The following THOC2 variants were observed in gnomAD, a reference collection of about 807,000 sequenced individuals.
THOC2 encodes the protein THO complex 2.
THOC2 carries 10 observed loss-of-function variants against 128.4 expected under a neutral mutation model. The ratio of observed to expected loss-of-function variants is 0.08; its 90% CI spans 0.05 to 0.13. THOC2 has a LOEUF of 0.13. THOC2 is among the 10% of genes least tolerant of loss of function. The pLI, the probability that THOC2 is intolerant of heterozygous loss-of-function variation, is 1.00. For missense variants in THOC2, 535 were observed against 1,155.7 expected, an observed-to-expected ratio of 0.46 and a Z score of 7.79; for synonymous variants, 393 against 396.9, an observed-to-expected ratio of 0.99 and a Z score of 0.12.
At position 123,695,985 on chromosome X, in the gene THOC2, T is replaced by C. The variant is rs191501438; in HGVS notation, c.601+36A>G. 2.1e-3 allele frequency: 2,010 copies of C among 940,575 alleles called. 37 individuals carry two copies. The Admixed American group carries it at 0.046, about 21-fold the overall frequency. 77.5% of individuals were successfully genotyped at this position (940,575 alleles called of 1,213,427 possible). ...CTCCAATAGCTAAAATAACTTGTTA[T>C]CTTAACAACACATACTATACAGATA... On this transcript the variant is annotated intron_variant, in intron 7 of 38. Coordinates refer to ENST00000245838, the MANE Select transcript of THOC2 (RefSeq NM_001081550.2).
intron 38 of THOC2, chrX:123,603,368 A>G: frequency 3.4e-6 from 1 of 292,728 alleles, no homozygotes; most frequent in South Asian, 8.3e-5. Context: ...ACACACAAAG[A>G]CGGCCTATCT....
At chrX:123,680,490 T>C (rs888620830) in intron 8 of THOC2, among the ~76,000 whole-genome samples, 1 of 109,913 alleles carries the variant, frequency 9.1e-6, no homozygotes, top group Non-Finnish European at 1.9e-5. Context: ...CCGGCATGGA[T>C]CCTCCGTATG....
chrX:123,611,077 A>G (rs764131020), intron 37 of THOC2, 114 bp from the exon 38 acceptor site: 137 of 649,028 alleles, frequency 2.1e-4, no homozygotes, highest in Non-Finnish European at 3.1e-4. Flanking sequence ...CCAGCCTGGT[A>G]GCCTCAAACT....
chrX:123,732,908 T>TG (rs781744812), intron 1 of THOC2, 44 bp downstream of exon 1: 1 of 1,173,825 alleles, frequency 8.5e-7, no homozygotes, highest in East Asian at 3.0e-5. Context: ...GCTGACGCCC[T>TG]GGCCCGGCCC....
At chrX:123,700,291 A>G (rs970065612) in intron 4 of THOC2, among the ~76,000 whole-genome samples, 1 of 108,862 alleles carries the variant, frequency 9.2e-6, no homozygotes, top group African/African-American at 3.3e-5. Flanking sequence ...ACCTGAGGTT[A>G]GGAGTTTGAG....
rs754728040 is a variant in THOC2 at position 123,672,861 on chromosome X, C to G, written c.769-1100G>C. On this transcript the variant is annotated intron_variant, in intron 8 of 38. Coordinates refer to ENST00000245838, the MANE Select transcript of THOC2 (RefSeq NM_001081550.2). Reference sequence around the variant, plus strand: ...GCAAACAGTAACAATACACTATGTTCTTTTTATAGTCAATACTGAAAATGA... The same window carrying G: ...GCAAACAGTAACAATACACTATGTTGTTTTTATAGTCAATACTGAAAATGA... Among the ~76,000 whole-genome samples the G allele has an allele frequency of 3.6e-5, 4 of 112,537 alleles. No homozygotes were observed. The South Asian group carries it at 1.5e-3, about 41-fold the overall frequency.
rs2047322961 is a variant in THOC2 at position 123,627,903 on chromosome X, G to A, written c.2547C>T (p.Tyr849=). ...GSKQQHKVHK[Y]ITSCEMVMAP... Reference sequence around the variant, plus strand: ...CCATCACCATCTCACATGATGTAATGTACTTATGAACTTTATGTTGCTGTT... The same window carrying A: ...CCATCACCATCTCACATGATGTAATATACTTATGAACTTTATGTTGCTGTT... The change falls in exon 23 of 39, where the codon TAC becomes TAT. Residue 849 remains tyrosine, a synonymous_variant. Coordinates refer to ENST00000245838, the MANE Select transcript of THOC2 (RefSeq NM_001081550.2). The A allele has an allele frequency of 8.3e-7, 1 of 1,207,544 alleles. No individual in the cohort carries two copies. The highest frequency in any genetic ancestry group is 2.2e-5 in the Admixed American group (1 of 45,745).
intron 12 of THOC2, among the ~76,000 whole-genome samples, chrX:123,664,831 G>A (rs1007779220): frequency 9.9e-5 from 11 of 111,150 alleles, no homozygotes; most frequent in African/African-American, 3.3e-4. Flanking sequence ...GTATTTTTCC[G>A]TATGTATGTT....
At chrX:123,628,233 G>C (rs958224267) in intron 22 of THOC2, among the ~76,000 whole-genome samples, 1 of 111,585 alleles carries the variant, frequency 9.0e-6, no homozygotes, top group Non-Finnish European at 1.9e-5. Flanking sequence ...TGAGTAAAGT[G>C]AACAGGGTAT....
Position 123,640,580 on chromosome X carries a change from A to G in THOC2, c.1704T>C (p.Ile568=), listed in dbSNP as rs370360377. The change falls in exon 16 of 39, where the codon ATT becomes ATC. Residue 568 remains isoleucine (I), a synonymous_variant. Transcript: ENST00000245838. Reference sequence around the variant, plus strand: ...TTGGATTGCTGTGGCTCAACTTCCCAATTTGTCTTCCAGAAGGCTTCACAT... The same window carrying G: ...TTGGATTGCTGTGGCTCAACTTCCCGATTTGTCTTCCAGAAGGCTTCACAT... ...KENVKPSGRQ[I]GKLSHSNPTI... is the part of the protein sequence containing the mutation. 2.5e-6 allele frequency: 3 copies of G among 1,190,810 alleles called. No homozygotes were observed. In the African/African-American group the frequency reaches 5.3e-5, roughly 21 times the overall value.
chrX:123,623,319 C>A (rs1334712721), intron 28 of THOC2, 36 bp from the exon 29 acceptor site: 6 of 1,107,858 alleles, frequency 5.4e-6, no homozygotes, highest in Admixed American at 6.0e-5. Context: ...TATACAAACA[C>A]AAATCAAAAA....
At chrX:123,671,403 T>G (rs1485782113) in intron 9 of THOC2, among the ~76,000 whole-genome samples, 2 of 112,185 alleles carry the variant, frequency 1.8e-5, no homozygotes, top group Non-Finnish European at 3.8e-5. Context: ...TTGAACTTCA[T>G]ATCCAAACTT....
chrX:123,635,775 G>T (rs2047649755), intron 19 of THOC2, among the ~76,000 whole-genome samples: 1 of 111,644 alleles, frequency 9.0e-6, no homozygotes, highest in Non-Finnish European at 1.9e-5. Flanking sequence ...GTTATACGAA[G>T]ATATACAATG....
chrX:123,612,275 A>C (rs1418210820), intron 36 of THOC2, among the ~76,000 whole-genome samples: 1 of 112,220 alleles, frequency 8.9e-6, no homozygotes, highest in East Asian at 2.8e-4. Flanking sequence ...CGTGGAAACA[A>C]TTCAAAAGTC....
chrX:123,625,640 T>A (rs1306969573), intron 25 of THOC2, among the ~76,000 whole-genome samples: 1 of 110,369 alleles, frequency 9.1e-6, no homozygotes. Context: ...CTATTACATA[T>A]CAGGTACTTT....
chrX:123,646,012 T>G (rs1173075623), intron 12 of THOC2, among the ~76,000 whole-genome samples: 1 of 111,137 alleles, frequency 9.0e-6, no homozygotes, highest in Non-Finnish European at 1.9e-5. Context: ...CATTTTTCCA[T>G]CCAGAGATTA....
At chrX:123,657,303 G>A (rs2048634921) in intron 12 of THOC2, among the ~76,000 whole-genome samples, 2 of 107,430 alleles carry the variant, frequency 1.9e-5, no homozygotes, top group Non-Finnish European at 3.9e-5. Context: ...AAGGAAGGAA[G>A]GAAGAGAAGA....
At chrX:123,665,334 T>C (rs758930472) in intron 12 of THOC2, among the ~76,000 whole-genome samples, 1 of 111,841 alleles carries the variant, frequency 8.9e-6, no homozygotes, top group Non-Finnish European at 1.9e-5. Flanking sequence ...TACAGGTTTG[T>C]AGCCTAGGAG....
chrX:123,648,576 G>A (rs1477561368), intron 12 of THOC2, among the ~76,000 whole-genome samples: 1 of 112,471 alleles, frequency 8.9e-6, no homozygotes, highest in African/African-American at 3.2e-5. Flanking sequence ...TGACATTCTC[G>A]CTGCCAGCAC....
Sources: gnomAD v4.1 joint callset for allele counts (sites outside exome capture counted in the v4.1 genomes callset) on GRCh38, gnomAD v4.1.1 for gene constraint, MANE v1.5 for transcripts, NCBI Gene and HGNC (gene_info 2026-07-23, HGNC 2026-07-21) for gene names.